The following PRKRIP1 variants were observed in gnomAD, a reference collection of about 807,000 sequenced individuals.
PRKRIP1 encodes the protein PRKR interacting protein 1.
PRKRIP1 carries 29 observed loss-of-function variants against 29.3 expected under a neutral mutation model. The observed-to-expected ratio is 0.99, with a 90% CI of 0.74 to 1.35. PRKRIP1 has a LOEUF of 1.35. Among genes scored for constraint, PRKRIP1 ranks in the 40% most tolerant of loss-of-function variants. The pLI is 0.00. For missense variants in PRKRIP1, 247 were observed against 236.8 expected (o/e 1.04, Z -0.28); for synonymous variants, 90 against 85.1 (o/e 1.06, Z -0.32).
intron 4 of PRKRIP1, among the ~76,000 whole-genome samples, chr7:102,406,691 G>C (rs1448340843): frequency 1.3e-5 from 2 of 152,030 alleles, no homozygotes; most frequent in African/African-American, 4.8e-5. Flanking sequence ...AAAACTTCTT[G>C]CCCCACCACT....
At chr7:102,415,526 G>A (rs544994737) in intron 5 of PRKRIP1, among the ~76,000 whole-genome samples, 19 of 152,318 alleles carry the variant, frequency 1.2e-4, no homozygotes, top group African/African-American at 4.1e-4. Context: ...GTGAGCCACC[G>A]CACCCAGCCC....
rs1796164886 is a variant in PRKRIP1, at chr7:102,404,702, CTG to C, written c.392+22_392+23del. 5 of 1,602,984 alleles carry C rather than the reference CTG, an allele frequency of 3.1e-6. No homozygotes were observed. Among genetic ancestry groups the C allele is most frequent in the East Asian group, 4.5e-5 (2 of 44,870 alleles). ...AGAAGCGGTAAGCGGCATGGCCTAA[CTG>C]TGATGACACTTAAGGGCCAGGGGTG... On this transcript the variant is annotated intron_variant, in intron 4 of 5. Transcript: ENST00000397912.
intron 5 of PRKRIP1, among the ~76,000 whole-genome samples, chr7:102,424,321 G>A (rs1245744634): frequency 2.6e-5 from 4 of 152,274 alleles, no homozygotes; most frequent in Non-Finnish European, 5.9e-5. Context: ...TGAGGCCACC[G>A]TGCCTGCGGC....
chr7:102,421,594 C>G (rs1197513881), intron 5 of PRKRIP1, among the ~76,000 whole-genome samples: 1 of 152,068 alleles, frequency 6.6e-6, no homozygotes, highest in Admixed American at 6.6e-5. Context: ...GTCAGGAGAT[C>G]AAGACCATCC....
intron 5 of PRKRIP1, among the ~76,000 whole-genome samples, chr7:102,408,206 T>C (rs1178486567): frequency 2.0e-5 from 3 of 152,186 alleles, no homozygotes; most frequent in African/African-American, 4.8e-5. Flanking sequence ...GTGGTACTTA[T>C]GTGGTCTGCC....
chr7:102,413,240 G>C (rs528157999), intron 5 of PRKRIP1, among the ~76,000 whole-genome samples: 19 of 152,150 alleles, frequency 1.2e-4, no homozygotes, highest in Non-Finnish European at 2.4e-4. Context: ...GCACCCCAGT[G>C]GGGGAGGAGG....
chr7:102,409,746 C>G (rs1421762282), intron 5 of PRKRIP1, among the ~76,000 whole-genome samples: 1 of 151,984 alleles, frequency 6.6e-6, no homozygotes, highest in African/African-American at 2.4e-5. Flanking sequence ...GTCGCCTGAG[C>G]CCAGGAGGTC....
chr7:102,418,080 T>A (rs1796602227), intron 5 of PRKRIP1, among the ~76,000 whole-genome samples: 1 of 150,576 alleles, frequency 6.6e-6, no homozygotes, highest in South Asian at 2.1e-4. Flanking sequence ...AGAGTTTCAC[T>A]CTTTGTTTGC....
At chr7:102,421,536 C>T (rs6465862) in intron 5 of PRKRIP1, among the ~76,000 whole-genome samples, 149,838 of 152,048 alleles carry the variant, frequency 0.99, 73,855 homozygotes, top group Non-Finnish European at 1. Flanking sequence ...TGGTGGTTCA[C>T]GCCTGTAATC....
intron 2 of PRKRIP1, among the ~76,000 whole-genome samples, chr7:102,399,295 C>T (rs1586673440): frequency 6.6e-6 from 1 of 152,160 alleles, no homozygotes; most frequent in South Asian, 2.1e-4. Flanking sequence ...AGTCACTTAA[C>T]CACAGTCTGC....
At chr7:102,422,143 A>ATT in intron 5 of PRKRIP1, among the ~76,000 whole-genome samples, 1 of 133,384 alleles carries the variant, frequency 7.5e-6, no homozygotes, top group Admixed American at 7.8e-5. Context: ...TCATACACAA[A>ATT]ATTATTATTA....
At chr7:102,404,157 TGTCTCAAAACA>T (rs1253737485) in intron 3 of PRKRIP1, among the ~76,000 whole-genome samples, 1 of 152,134 alleles carries the variant, frequency 6.6e-6, no homozygotes. Flanking sequence ...AGTAAGACCT[TGTCTCAAAACA>T]AAAACAAAAA....
intron 5 of PRKRIP1, among the ~76,000 whole-genome samples, chr7:102,419,927 C>G (rs1187208121): frequency 2.6e-5 from 4 of 151,080 alleles, no homozygotes; most frequent in African/African-American, 9.8e-5. Flanking sequence ...GTCGCCCAGG[C>G]TGGAGTGCAG....
At chr7:102,407,355 T>G in intron 4 of PRKRIP1, 79 bp from the exon 5 acceptor site, 1 of 829,404 alleles carries the variant, frequency 1.2e-6, no homozygotes. Context: ...GTTTTAGAGA[T>G]ACCATAAGGA....
chr7:102,396,606 C>G, intron 1 of PRKRIP1, 69 bp downstream of exon 1: 1 of 1,516,470 alleles, frequency 6.6e-7, no homozygotes. Flanking sequence ...CTTCAGGGTT[C>G]CCGCAGGTCC....
intron 5 of PRKRIP1, among the ~76,000 whole-genome samples, chr7:102,411,291 C>T (rs782807697): frequency 6.6e-6 from 1 of 152,044 alleles, no homozygotes; most frequent in Non-Finnish European, 1.5e-5. Flanking sequence ...GCTCAAGTGA[C>T]CCTCCCGCCT....
chr7:102,412,280 G>T (rs559722695), intron 5 of PRKRIP1, among the ~76,000 whole-genome samples: 1 of 152,172 alleles, frequency 6.6e-6, no homozygotes, highest in Non-Finnish European at 1.5e-5. Context: ...TTTGGGCTTG[G>T]ACTCTGGCTC....
chr7:102,404,358 T>A (rs1190685136), intron 3 of PRKRIP1: 1 of 453,358 alleles, frequency 2.2e-6, no homozygotes, highest in Admixed American at 3.4e-5. Context: ...TATATTGTGC[T>A]ATGCATGAGT....
intron 5 of PRKRIP1, among the ~76,000 whole-genome samples, chr7:102,410,063 GCATCTCCC>G: frequency 6.6e-6 from 1 of 152,096 alleles, no homozygotes; most frequent in African/African-American, 2.4e-5. Context: ...TTGAACCACC[GCATCTCCC>G]AGTCTTTGCC....
Sources: allele counts gnomAD v4.1 joint callset (sites outside exome capture counted in the v4.1 genomes callset), GRCh38; gene constraint gnomAD v4.1.1; transcripts MANE v1.5; gene names NCBI Gene and HGNC (gene_info 2026-07-23, HGNC 2026-07-21).